SCAMP5: variants seen among roughly 807,000 people sequenced by gnomAD.
SCAMP5 encodes secretory carrier-associated membrane protein 5.
SCAMP5 carries 7 observed loss-of-function variants against 28.3 expected under a neutral mutation model. The observed-to-expected ratio is 0.25, with a 90% CI of 0.14 to 0.46. The LOEUF is 0.46. SCAMP5 is among the 20% of genes least tolerant of loss of function. The pLI, the probability that SCAMP5 is intolerant of heterozygous loss-of-function variation, is 0.99. For missense variants in SCAMP5, 192 were observed against 312.5 expected, an observed-to-expected ratio of 0.61 and a Z score of 2.91; for synonymous variants, 117 against 116.4, an observed-to-expected ratio of 1.00 and a Z score of -0.03.
In SCAMP5 at chr15:74,995,626, A is replaced by G. The variant is rs1416738469; in HGVS notation, c.-96A>G. On this transcript the variant is annotated 5_prime_UTR_variant, in exon 1 of 7. Transcript: ENST00000425597. ...GCGCCGCATCGCTCGGGTGCAGCGCAGCTCAGCGCAGCGCTGCGGCCTTTC... is the reference window on the plus strand; with the variant it reads ...GCGCCGCATCGCTCGGGTGCAGCGCGGCTCAGCGCAGCGCTGCGGCCTTTC... 6.7e-6 allele frequency: 1 copy of G among 148,892 alleles called. No homozygotes were observed. 9.2% of individuals were successfully genotyped at this position (148,892 alleles called of 1,614,324 possible). A position where few individuals can be genotyped will look rare whatever the true frequency, so the allele number is the denominator to read the frequency against.
In SCAMP5 at chr15:75,012,660, A is replaced by T; in HGVS notation, c.8-17A>T. On this transcript the variant is annotated splice_polypyrimidine_tract_variant and intron_variant, in intron 2 of 6. Coordinates refer to ENST00000425597, the MANE Select transcript of SCAMP5 (RefSeq NM_138967.4). ...GGAAGACTGGAGGTGATGTTGTGCA[A>T]TGTGTCTCATCCACAGAGAAAGTGA... is the stretch of plus-strand genomic sequence containing the variant. 1 of 1,613,854 alleles carries T rather than the reference A, an allele frequency of 6.2e-7. No homozygotes were observed. The highest frequency in any genetic ancestry group is 8.5e-7 in the Non-Finnish European group (1 of 1,179,744).
chr15:74,996,203 G>C lies in SCAMP5; in HGVS notation c.-49+530G>C, dbSNP rs2065651892. On this transcript the variant is annotated intron_variant, in intron 1 of 6. Coordinates refer to ENST00000425597, the MANE Select transcript of SCAMP5 (RefSeq NM_138967.4). The surrounding 1 kb of genome is among the most constrained non-coding windows in gnomAD (Gnocchi z 4.1). ...CGGACCTCAGCCGCCCCAGGGTTGC[G>C]AGGCGACGGGCGCGCTGGCCCAGGC... The C allele has an allele frequency of 6.6e-6, 1 of 152,452 alleles. No homozygotes were observed. Among genetic ancestry groups the C allele is most frequent in the African/African-American group, 2.4e-5 (1 of 41,480 alleles). The allele number at this position is 152,452 out of a possible 1,614,324, so 9.4% of individuals were successfully genotyped here. A position where few individuals can be genotyped will look rare whatever the true frequency, so the allele number is the denominator to read the frequency against.
rs2065880416 is a variant in SCAMP5, at chr15:75,018,727, A to G, written c.514-62A>G. 1 of 1,320,758 alleles carries G rather than the reference A, an allele frequency of 7.6e-7. No homozygotes were observed. The highest frequency in any genetic ancestry group is 1.2e-5 in the South Asian group (1 of 82,522). 81.8% of individuals were successfully genotyped at this position (1,320,758 alleles called of 1,614,324 possible). ...TTTTTTTTACAGATGGGTCCCATCT[A>G]TTTCCTGGATGGGCTGCCTTTTCTC... On this transcript the variant is annotated intron_variant, in intron 6 of 6. Coordinates refer to ENST00000425597, the MANE Select transcript of SCAMP5 (RefSeq NM_138967.4). The surrounding 1 kb of genome is among the most constrained non-coding windows in gnomAD (Gnocchi z 5.6).
chr15:75,009,461 G>GTGTA (rs1486630009), intron 1 of SCAMP5, among the ~76,000 whole-genome samples: 1 of 151,496 alleles, frequency 6.6e-6, no homozygotes, highest in African/African-American at 2.4e-5. Context: ...GTGTGTGTGT[G>GTGTA]TGTGTGTGTG....
At chr15:75,011,436 G>T (rs1425440552) in intron 1 of SCAMP5, among the ~76,000 whole-genome samples, 1 of 152,138 alleles carries the variant, frequency 6.6e-6, no homozygotes, top group Non-Finnish European at 1.5e-5. Context: ...AGGAGCAAAG[G>T]GAGGCTAGCC....
chr15:75,006,728 T>G (rs1400993289), intron 1 of SCAMP5, among the ~76,000 whole-genome samples: 1 of 147,808 alleles, frequency 6.8e-6, no homozygotes, highest in Non-Finnish European at 1.5e-5. Flanking sequence ...TGAGCCGAGA[T>G]CACGCCGCTG....
At chr15:75,010,261 C>T (rs1178564704) in intron 1 of SCAMP5, among the ~76,000 whole-genome samples, 1 of 152,126 alleles carries the variant, frequency 6.6e-6, no homozygotes, top group Non-Finnish European at 1.5e-5. Context: ...GCGTCTCTAC[C>T]CTGTATGTCC....
At chr15:75,009,324 T>C (rs145030270) in intron 1 of SCAMP5, among the ~76,000 whole-genome samples, 59 of 152,272 alleles carry the variant, frequency 3.9e-4, no homozygotes, top group African/African-American at 1.4e-3. Context: ...CTTTTTGTGG[T>C]AGATGTTACT....
Position 75,012,749 on chromosome 15 carries a change from C to T in SCAMP5, c.80C>T (p.Ala27Val). The change falls in exon 3 of 7, where the codon GCA becomes GTA. Residue 27 changes from alanine (A) to valine (V), a missense_variant. Coordinates refer to ENST00000425597, the MANE Select transcript of SCAMP5 (RefSeq NM_138967.4). The part of the protein sequence containing the change: ...LKPCFYQDFE[A>V]DIPPQHVSMT... ...CCATGTTTCTACCAAGACTTCGAGG[C>T]AGATATTCCTCCCCAGCATGTCAGC... 1 of 1,613,880 alleles carries T rather than the reference C, an allele frequency of 6.2e-7. No homozygotes were observed. Among genetic ancestry groups the T allele is most frequent in the Non-Finnish European group, 8.5e-7 (1 of 1,179,746 alleles).
intron 2 of SCAMP5, among the ~76,000 whole-genome samples, chr15:75,012,352 C>T (rs1595886921): frequency 6.6e-6 from 1 of 152,344 alleles, no homozygotes; most frequent in Admixed American, 6.5e-5. Context: ...GATTCTCACA[C>T]ATCCGCTTCT....
intron 4 of SCAMP5, 178 bp from the exon 5 acceptor site, chr15:75,017,692 A>C: frequency 1.6e-6 from 1 of 629,832 alleles, no homozygotes. Flanking sequence ...ACACAGGTCT[A>C]CCACGTGGAA....
intron 3 of SCAMP5, among the ~76,000 whole-genome samples, chr15:75,015,136 G>A (rs1160917597): frequency 3.3e-5 from 5 of 151,898 alleles, no homozygotes; most frequent in Non-Finnish European, 7.3e-5. Flanking sequence ...CTAGGCACCC[G>A]CAGGTGCTTT....
At chr15:75,005,323 G>A (rs946641052) in intron 1 of SCAMP5, among the ~76,000 whole-genome samples, 18 of 152,050 alleles carry the variant, frequency 1.2e-4, no homozygotes, top group Non-Finnish European at 2.2e-4. Context: ...TTAGCTGGGC[G>A]TGGTGGTGCA....
chr15:75,018,301 C>A lies in SCAMP5; in HGVS notation c.396-117C>A. 2.6e-6 allele frequency: 2 copies of A among 760,608 alleles called. No individual in the cohort carries two copies. Among genetic ancestry groups the A allele is most frequent in the South Asian group, 1.4e-5 (1 of 71,324 alleles). The allele number at this position is 760,608 out of a possible 1,614,324, so 47.1% of individuals were successfully genotyped here. On this transcript the variant is annotated intron_variant, in intron 5 of 6. Transcript: ENST00000425597. This position sits in a 1 kb window ranked among gnomAD's most constrained non-coding sequence, Gnocchi z 5.6. ...TCTTTGGGTATCAGTAAGATGGTCC[C>A]TCTGCATCCAGTGATATGTTTCCTC... is the stretch of plus-strand genomic sequence containing the variant.
chr15:75,017,891 C>T lies in SCAMP5; in HGVS notation c.315C>T (p.Phe105=), dbSNP rs751444827. 1 of 1,613,726 alleles carries T rather than the reference C, an allele frequency of 6.2e-7. No individual in the cohort carries two copies. The highest frequency in any genetic ancestry group is 1.1e-5 in the South Asian group (1 of 91,080). Residue 105 remains phenylalanine (F), a synonymous_variant, in exon 5 of 7, where the codon TTC becomes TTT. Coordinates refer to ENST00000425597, the MANE Select transcript of SCAMP5 (RefSeq NM_138967.4). ...KAFKTDSSFS[F]MAFFFTFMAQ... The stretch of plus-strand genomic sequence containing the variant: ...GCAGGACTGACAGCTCCTTCAGTTT[C>T]ATGGCATTCTTCTTTACCTTCATGG...
intron 1 of SCAMP5, among the ~76,000 whole-genome samples, chr15:75,010,668 A>G (rs2065803178): frequency 6.6e-6 from 1 of 152,122 alleles, no homozygotes; most frequent in Admixed American, 6.5e-5. Flanking sequence ...AAAAATTAGC[A>G]TGGTAGTCTG....
intron 1 of SCAMP5, among the ~76,000 whole-genome samples, chr15:75,006,354 TA>T (rs933187373): frequency 6.6e-6 from 1 of 151,686 alleles, no homozygotes; most frequent in Admixed American, 6.6e-5. Flanking sequence ...GGATTAATAA[TA>T]AAAAAAATCT....
Position 75,018,948 on chromosome 15 carries a change from G to A in SCAMP5, c.673G>A (p.Ala225Thr), listed in dbSNP as rs769826771. The change falls in exon 7 of 7, where the codon GCC becomes ACC. Residue 225 changes from alanine (A) to threonine (T), a missense_variant. Transcript: ENST00000425597. This position sits in a 1 kb window ranked among gnomAD's most constrained non-coding sequence, Gnocchi z 5.6. ...AMNQPQTQYS[A>T]TPNYTYSNEM ...GAATCAGCCTCAGACTCAGTATTCC[G>A]CCACCCCCAATTACACGTACTCCAA... 1.7e-5 allele frequency: 26 copies of A among 1,540,496 alleles called. No homozygotes were observed. The highest frequency in any genetic ancestry group is 4.7e-5 in the Admixed American group (2 of 42,514).
At chr15:75,005,043 C>T (rs550798530) in intron 1 of SCAMP5, among the ~76,000 whole-genome samples, 26 of 151,964 alleles carry the variant, frequency 1.7e-4, no homozygotes, top group South Asian at 1.2e-3. Context: ...GGTGTGGTGG[C>T]GTGCGCCTGT....
Sources: allele counts gnomAD v4.1 joint callset (sites outside exome capture counted in the v4.1 genomes callset), GRCh38; gene constraint gnomAD v4.1.1; non-coding constraint Gnocchi (gnomAD v3.1); transcripts MANE v1.5; gene names NCBI Gene and HGNC (gene_info 2026-07-23, HGNC 2026-07-21).